Variants in MAP2 observed in about 807,000 individuals in gnomAD.
The protein encoded by MAP2 is microtubule-associated protein 2.
MAP2 carries 14 observed loss-of-function variants against 137.6 expected under a neutral mutation model. The observed-to-expected ratio is 0.10, with a 90% confidence interval of 0.07 to 0.16. The LOEUF is 0.16. Ranked by LOEUF, MAP2 falls within the 10% of genes least tolerant of loss-of-function variation. The pLI is 1.00. For missense variants in MAP2, 2,088 were observed against 2,191.5 expected (o/e 0.95, Z 0.94); for synonymous variants, 786 against 782.3 (o/e 1.00, Z -0.08).
intron 1 of MAP2, among the ~76,000 whole-genome samples, chr2:209,485,511 C>T (rs1012936923): frequency 6.6e-6 from 1 of 152,150 alleles, no homozygotes; most frequent in African/African-American, 2.4e-5. Flanking sequence ...TCCTGCATGA[C>T]ATTTGACACT....
chr2:209,440,945 A>G (rs1258117024), intron 1 of MAP2, among the ~76,000 whole-genome samples: 2 of 151,548 alleles, frequency 1.3e-5, no homozygotes, highest in Non-Finnish European at 3.0e-5. Flanking sequence ...TGCTTATCAT[A>G]TCACTAATTT....
At chr2:209,604,874 C>T (rs558222080) in intron 3 of MAP2, among the ~76,000 whole-genome samples, 10 of 151,944 alleles carry the variant, frequency 6.6e-5, no homozygotes, top group East Asian at 5.8e-4. Flanking sequence ...TTCTGCAGAC[C>T]GAAATAAACT....
chr2:209,603,675 T>C (rs1344144948), intron 3 of MAP2, among the ~76,000 whole-genome samples: 1 of 152,178 alleles, frequency 6.6e-6, no homozygotes, highest in East Asian at 1.9e-4. Context: ...CCGCCTTTCT[T>C]GACCACATAA....
chr2:209,501,996 T>A (rs1325722969), intron 1 of MAP2, among the ~76,000 whole-genome samples: 1 of 152,000 alleles, frequency 6.6e-6, no homozygotes, highest in Non-Finnish European at 1.5e-5. Context: ...TATATTTAAG[T>A]GTGCAACATG....
At chr2:209,501,684 T>G (rs1175776846) in intron 1 of MAP2, among the ~76,000 whole-genome samples, 2 of 152,210 alleles carry the variant, frequency 1.3e-5, no homozygotes, top group African/African-American at 4.8e-5. Context: ...AGTCTTGACC[T>G]GTGTGTTTGA....
chr2:209,718,318 C>A (rs751446542), intron 13 of MAP2, among the ~76,000 whole-genome samples: 13 of 152,130 alleles, frequency 8.5e-5, no homozygotes, highest in Non-Finnish European at 1.0e-4. Context: ...ACTGAGCAGA[C>A]TATTTAACAA....
Position 209,695,580 on chromosome 2 carries a change from A to C in MAP2, c.3410A>C (p.His1137Pro). 1 of 1,613,934 alleles carries C rather than the reference A, an allele frequency of 6.2e-7. No individual in the cohort carries two copies. Among genetic ancestry groups the C allele is most frequent in the Non-Finnish European group, 8.5e-7 (1 of 1,179,846 alleles). ...KEESYESSGE[H>P]ESLTMESLKA... ...GAGTCCTATGAATCTAGTGGTGAGC[A>C]TGAAAGTCTCACCATGGAGTCCTTG... is the stretch of plus-strand genomic sequence containing the variant. Residue 1137 changes from histidine to proline, a missense_variant, in exon 8 of 16, where the codon CAT (histidine) becomes CCT (proline). His to Pro is a moderately conservative substitution (Grantham distance 77, BLOSUM62 -2). Coordinates refer to ENST00000682079, the MANE Select transcript of MAP2 (RefSeq NM_001375505.1).
intron 1 of MAP2, among the ~76,000 whole-genome samples, chr2:209,489,745 AAAT>A (rs2058838588): frequency 6.6e-6 from 1 of 152,176 alleles, no homozygotes; most frequent in African/African-American, 2.4e-5. Context: ...ATTAGAGAAA[AAAT>A]AATAAAAAAG....
chr2:209,598,388 C>G (rs1323397784), intron 3 of MAP2, among the ~76,000 whole-genome samples: 1 of 151,936 alleles, frequency 6.6e-6, no homozygotes, highest in Non-Finnish European at 1.5e-5. Flanking sequence ...ATGTTGTCGA[C>G]TAACTGATAC....
rs2059450698 is a variant in MAP2, at chr2:209,693,443, A to G, written c.1273A>G (p.Thr425Ala). The change falls in exon 8 of 16, where the codon ACT becomes GCT. Residue 425 changes from threonine (T) to alanine (A), a missense_variant. Around this residue, in one of 6 missense-constraint regions of MAP2, gnomAD observed 859 missense variants for 794.5 expected, o/e 1.08. Coordinates refer to ENST00000682079, the MANE Select transcript of MAP2 (RefSeq NM_001375505.1). ...TCAAGAGACTGTGCAGCAAAGGGAT[A>G]CTTTCACCCCCAGTGGACAGGAACC... ...INQETVQQRD[T>A]FTPSGQEPIL... 1.2e-6 allele frequency: 2 copies of G among 1,614,008 alleles called. No individual in the cohort carries two copies. Among genetic ancestry groups the G allele is most frequent in the Non-Finnish European group, 1.7e-6 (2 of 1,180,002 alleles).
intron 2 of MAP2, among the ~76,000 whole-genome samples, chr2:209,556,495 GA>G (rs2070696881): frequency 6.6e-6 from 1 of 152,084 alleles, no homozygotes; most frequent in Non-Finnish European, 1.5e-5. Flanking sequence ...AGTATTACGT[GA>G]ACCTTGTAAA....
At chr2:209,563,499 T>C (rs2072669768) in intron 2 of MAP2, among the ~76,000 whole-genome samples, 1 of 152,184 alleles carries the variant, frequency 6.6e-6, no homozygotes, top group Non-Finnish European at 1.5e-5. Flanking sequence ...TCAGAGGCCA[T>C]ATGAATCTAG....
intron 3 of MAP2, among the ~76,000 whole-genome samples, chr2:209,601,659 A>G (rs770517706): frequency 1.3e-5 from 2 of 152,138 alleles, no homozygotes; most frequent in Admixed American, 6.6e-5. Context: ...AAATGAGAGA[A>G]ATGCTAATTT....
At chr2:209,489,956 T>C (rs1330155418) in intron 1 of MAP2, among the ~76,000 whole-genome samples, 1 of 151,828 alleles carries the variant, frequency 6.6e-6, no homozygotes, top group Admixed American at 6.6e-5. Context: ...GCAGAGATAC[T>C]CCTTAAGAAG....
At chr2:209,500,746 C>CA (rs1483569138) in intron 1 of MAP2, among the ~76,000 whole-genome samples, 5 of 151,838 alleles carry the variant, frequency 3.3e-5, no homozygotes, top group East Asian at 1.9e-4. Flanking sequence ...CAAACAACAA[C>CA]AAAAAAACCC....
chr2:209,528,408 G>T (rs1029570456), intron 2 of MAP2, among the ~76,000 whole-genome samples: 1 of 152,074 alleles, frequency 6.6e-6, no homozygotes. Flanking sequence ...GATAGGAATG[G>T]TTCCTCACTT....
At chr2:209,560,764 A>T (rs2071861672) in intron 2 of MAP2, among the ~76,000 whole-genome samples, 1 of 152,178 alleles carries the variant, frequency 6.6e-6, no homozygotes, top group Non-Finnish European at 1.5e-5. Context: ...TTCAAGTAAG[A>T]AGCACACCTA....
chr2:209,678,673 G>A lies in MAP2; in HGVS notation c.364G>A (p.Ala122Thr). 6.3e-7 allele frequency: 1 copy of A among 1,597,250 alleles called. No homozygotes were observed. The highest frequency in any genetic ancestry group is 8.5e-7 in the Non-Finnish European group (1 of 1,170,544). ...AGCTCAACATAAAGACCAGACTGCA[G>A]CTCTGCCTTTAGGTAAATAAGAAGA... ...KEAQHKDQTA[A>T]LPLAAEETAN... Residue 122 changes from alanine to threonine, a missense_variant, in exon 6 of 16, where the codon GCT becomes ACT. Around this residue, in one of 6 missense-constraint regions of MAP2, gnomAD observed 859 missense variants for 794.5 expected, o/e 1.08. Coordinates refer to ENST00000682079, the MANE Select transcript of MAP2 (RefSeq NM_001375505.1).
At chr2:209,546,602 G>A (rs1033671467) in intron 2 of MAP2, among the ~76,000 whole-genome samples, 3 of 152,152 alleles carry the variant, frequency 2.0e-5, no homozygotes, top group Admixed American at 6.6e-5. Flanking sequence ...GATATCTATG[G>A]AAAGTAGATG....
Sources: allele counts gnomAD v4.1 joint callset (sites outside exome capture counted in the v4.1 genomes callset), GRCh38; gene constraint gnomAD v4.1.1; regional missense constraint gnomAD v4.1.1; transcripts MANE v1.5; gene names NCBI Gene and HGNC (gene_info 2026-07-23, HGNC 2026-07-21).